The following CPSF6 variants were observed in gnomAD, a reference collection of about 807,000 sequenced individuals.
The protein encoded by CPSF6 is cleavage and polyadenylation specific factor 6, also known as cleavage and polyadenylation specificity factor subunit 6.
Under a neutral mutation model 56.7 loss-of-function variants are expected in CPSF6, and 10 were observed. That is an observed-to-expected ratio of 0.18 (90% CI 0.11 to 0.30). The LOEUF (loss-of-function observed/expected upper bound fraction) is 0.30, where lower values mean the gene tolerates loss of function less well. CPSF6 is among the 10% of genes least tolerant of loss of function. The probability of loss-of-function intolerance (pLI) is 1.00; values close to 1 mark genes in which losing one functional copy is unlikely to be tolerated. For synonymous variants in CPSF6, 248 were observed against 244.8 expected (o/e 1.01, Z -0.12); for missense variants, 419 against 722.9 (o/e 0.58, Z 4.82).
intron 1 of CPSF6, among the ~76,000 whole-genome samples, chr12:69,249,013 G>A (rs529889644): frequency 2.4e-3 from 359 of 151,920 alleles, no homozygotes; most frequent in Middle Eastern, 6.8e-3. Flanking sequence ...TTGGGAGGCC[G>A]AGGCGGGCGG....
At position 69,255,705 on chromosome 12, in the gene CPSF6, A is replaced by G. The variant is rs1592802427; in HGVS notation, c.375-992A>G. ...AGGCACACGCCACCATGCCTGGCTA[A>G]TTTTTGAATTTTTAGTAGAGACGGG... On this transcript the variant is annotated intron_variant, in intron 3 of 9. Coordinates refer to ENST00000435070, the MANE Select transcript of CPSF6 (RefSeq NM_007007.3). 2.0e-5 allele frequency among the ~76,000 whole-genome samples: 3 copies of G among 152,066 alleles called. No homozygotes were observed. The South Asian group carries it at 6.2e-4, about 32-fold the overall frequency.
chr12:69,245,426 C>T (rs944966954), intron 1 of CPSF6, among the ~76,000 whole-genome samples: 2 of 152,196 alleles, frequency 1.3e-5, no homozygotes, highest in African/African-American at 2.4e-5. Flanking sequence ...TAAACTTTAT[C>T]GTAGGTATAT....
At chr12:69,257,325 A>G (rs938497231) in intron 4 of CPSF6, among the ~76,000 whole-genome samples, 2 of 152,194 alleles carry the variant, frequency 1.3e-5, no homozygotes, top group South Asian at 2.1e-4. Context: ...AAGAGATGAG[A>G]TGGATGATTA....
chr12:69,262,332 C>T lies in CPSF6; in HGVS notation c.1470-41C>T, dbSNP rs780554167. On this transcript the variant is annotated intron_variant, in intron 8 of 9. Coordinates refer to ENST00000435070, the MANE Select transcript of CPSF6 (RefSeq NM_007007.3). ...AAAAAATTGAATATTTTTAGGCTAT[C>T]TAATTATGGAGAGCATTAATCCAGT... 3.0e-5 allele frequency: 44 copies of T among 1,480,670 alleles called. No homozygotes were observed. The South Asian group carries it at 4.6e-4, about 16-fold the overall frequency. 91.7% of individuals were successfully genotyped at this position (1,480,670 alleles called of 1,614,324 possible). A position where few individuals can be genotyped will look rare whatever the true frequency, so the allele number is the denominator to read the frequency against.
chr12:69,267,404 TATC>T (rs1873043569), intron 9 of CPSF6, among the ~76,000 whole-genome samples: 1 of 151,600 alleles, frequency 6.6e-6, no homozygotes, highest in African/African-American at 2.4e-5. Flanking sequence ...AGATTCCATT[TATC>T]ATCTTAGTTG....
In CPSF6 at chr12:69,260,141, T is replaced by C; in HGVS notation, c.1413T>C (p.Ser471=). 1 of 1,613,408 alleles carries C rather than the reference T, an allele frequency of 6.2e-7. No individual in the cohort carries two copies. Among genetic ancestry groups the C allele is most frequent in the Non-Finnish European group, 8.5e-7 (1 of 1,179,650 alleles). The change falls in exon 8 of 10, where the codon AGT becomes AGC. Residue 471 remains serine, a synonymous_variant. Coordinates refer to ENST00000435070, the MANE Select transcript of CPSF6 (RefSeq NM_007007.3). ...SADDRCKVLI[S]SLQDCLHGIE... ...ATGATCGTTGCAAAGTTCTTATTAG[T>C]TCTTTGCAAGATTGCCTTCATGGAA...
At chr12:69,257,950 A>G (rs752553476) in intron 5 of CPSF6, 45 bp downstream of exon 5, 4 of 1,591,360 alleles carry the variant, frequency 2.5e-6, no homozygotes, top group Non-Finnish European at 3.4e-6. Context: ...TGTCTACCTA[A>G]TACCTCTTTT....
intron 1 of CPSF6, among the ~76,000 whole-genome samples, chr12:69,244,970 ATAG>A (rs2120432859): frequency 6.6e-6 from 1 of 152,118 alleles, no homozygotes; most frequent in Admixed American, 6.6e-5. Flanking sequence ...AAAGTATGGT[ATAG>A]TTGGCCTTGG....
intron 1 of CPSF6, among the ~76,000 whole-genome samples, chr12:69,244,398 A>G (rs1871782098): frequency 2.0e-5 from 3 of 151,796 alleles, no homozygotes; most frequent in Admixed American, 6.6e-5. Context: ...TAATTATTGT[A>G]TTTTTAGTAA....
At chr12:69,266,601 T>G (rs1252728477) in intron 9 of CPSF6, among the ~76,000 whole-genome samples, 1 of 152,190 alleles carries the variant, frequency 6.6e-6, no homozygotes, top group East Asian at 1.9e-4. Context: ...AATATTTAGT[T>G]AACGTTGTTT....
chr12:69,252,440 GA>G (rs1341959672), intron 2 of CPSF6, among the ~76,000 whole-genome samples: 1 of 152,084 alleles, frequency 6.6e-6, no homozygotes, highest in Non-Finnish European at 1.5e-5. Flanking sequence ...TATAAAATTG[GA>G]GACAGTAGCA....
chr12:69,254,320 A>G (rs1433241822), intron 3 of CPSF6, among the ~76,000 whole-genome samples: 2 of 152,142 alleles, frequency 1.3e-5, no homozygotes, highest in Non-Finnish European at 2.9e-5. Context: ...TTTCAGCCAC[A>G]TTAGTCTCTT....
chr12:69,260,191 G>A lies in CPSF6; in HGVS notation c.1463G>A (p.Gly488Glu). Reference sequence around the variant, plus strand: ...ATTGAGTCCAAGTCTTATGGTTCTGGATCAAGGTAAAACTTTCCTGTCTCA... The same window carrying A: ...ATTGAGTCCAAGTCTTATGGTTCTGAATCAAGGTAAAACTTTCCTGTCTCA... ...HGIESKSYGS[G>E]SRRERSRERD... The change falls in exon 8 of 10, where the codon GGA becomes GAA. Residue 488 changes from glycine (G) to glutamate (E), a missense_variant. Physicochemically the swap from Gly to Glu is moderately conservative, Grantham distance 98. Coordinates refer to ENST00000435070, the MANE Select transcript of CPSF6 (RefSeq NM_007007.3). 1 of 1,591,052 alleles carries A rather than the reference G, an allele frequency of 6.3e-7. No individual in the cohort carries two copies. Among genetic ancestry groups the A allele is most frequent in the Non-Finnish European group, 8.5e-7 (1 of 1,171,050 alleles).
Position 69,253,059 on chromosome 12 carries a change from A to G in CPSF6, c.279A>G (p.Thr93=). 6.4e-7 allele frequency: 1 copy of G among 1,564,954 alleles called. No individual in the cohort carries two copies. Among genetic ancestry groups the G allele is most frequent in the African/African-American group, 1.4e-5 (1 of 72,472 alleles). The change falls in exon 3 of 10, where the codon ACA becomes ACG. Residue 93 remains threonine (T), a synonymous_variant. Transcript: ENST00000435070. ...GGGAAAATATCTTGCAGTGGACAAC[A>G]GATGAAGACTTAACTGAAGCAGTTC... ...LYIGNLTWWT[T]DEDLTEAVHS...
intron 8 of CPSF6, among the ~76,000 whole-genome samples, chr12:69,261,776 G>A (rs966998468): frequency 6.6e-6 from 1 of 152,132 alleles, no homozygotes; most frequent in Non-Finnish European, 1.5e-5. Flanking sequence ...AAAAATCGCA[G>A]TTCATGAAAC....
chr12:69,248,653 G>A (rs556582015), intron 1 of CPSF6, among the ~76,000 whole-genome samples: 1 of 152,204 alleles, frequency 6.6e-6, no homozygotes, highest in East Asian at 1.9e-4. Context: ...TTTTAGTATT[G>A]CTGTACAAAC....
intron 2 of CPSF6, chr12:69,252,043 A>G (rs1206798590): frequency 2.2e-6 from 1 of 455,946 alleles, no homozygotes; most frequent in South Asian, 1.5e-5. Context: ...TTCCTTAATA[A>G]CACTGTATTT....
Position 69,272,749 on chromosome 12 carries a change from A to G in CPSF6, c.*3241A>G, listed in dbSNP as rs1204042222. The G allele has an allele frequency of 6.6e-6, 1 of 152,632 alleles. No individual in the cohort carries two copies. Among genetic ancestry groups the G allele is most frequent in the Non-Finnish European group, 1.5e-5 (1 of 68,350 alleles). 9.5% of individuals were successfully genotyped at this position (152,632 alleles called of 1,614,324 possible). A position where few individuals can be genotyped will look rare whatever the true frequency, so the allele number is the denominator to read the frequency against. ...ATTTGCATCCCGTAGCCCTCTGTAAATGTTTCCCCTAGTTGTATGTACGTA... is the reference window on the plus strand; with the variant it reads ...ATTTGCATCCCGTAGCCCTCTGTAAGTGTTTCCCCTAGTTGTATGTACGTA... On this transcript the variant is annotated 3_prime_UTR_variant, in exon 10 of 10. Coordinates refer to ENST00000435070, the MANE Select transcript of CPSF6 (RefSeq NM_007007.3).
chr12:69,269,790 TATG>T lies in CPSF6; in HGVS notation c.*286_*288del, dbSNP rs1385632239. The T allele has an allele frequency of 1.1e-5, 2 of 177,910 alleles. No individual in the cohort carries two copies. The highest frequency in any genetic ancestry group is 1.3e-4 in the Admixed American group (2 of 15,730). 11.0% of individuals were successfully genotyped at this position (177,910 alleles called of 1,614,324 possible). A position where few individuals can be genotyped will look rare whatever the true frequency, so the allele number is the denominator to read the frequency against. On this transcript the variant is annotated 3_prime_UTR_variant, in exon 10 of 10. Coordinates refer to ENST00000435070, the MANE Select transcript of CPSF6 (RefSeq NM_007007.3). ...TTACTGGTTATATACATTTGGCCAT[TATG>T]ATGTGCAAGCAATTGGAAAAAAAGT...
Sources: gnomAD v4.1 joint callset for allele counts (sites outside exome capture counted in the v4.1 genomes callset) on GRCh38, gnomAD v4.1.1 for gene constraint, MANE v1.5 for transcripts, NCBI Gene and HGNC (gene_info 2026-07-23, HGNC 2026-07-21) for gene names.